Variants in C3 observed in about 807,000 individuals in gnomAD.
C3 encodes the protein C3 and PZP-like alpha-2-macroglobulin domain-containing protein 1.
Under a neutral mutation model 207.9 loss-of-function variants are expected in C3, and 97 were observed. That is an observed-to-expected ratio of 0.47 (90% CI 0.40 to 0.55). The LOEUF (loss-of-function observed/expected upper bound fraction) is 0.55. C3 is among the 20% of genes least tolerant of loss of function. The pLI, the probability that C3 is intolerant of heterozygous loss-of-function variation, is 0.00. For synonymous variants in C3, 848 were observed against 857.6 expected, an observed-to-expected ratio of 0.99 and a Z score of 0.20; for missense variants, 1,684 against 2,171.7, an observed-to-expected ratio of 0.78 and a Z score of 4.46.
chr19:6,708,284 A>T (rs543956099), intron 14 of C3, among the ~76,000 whole-genome samples: 1 of 151,930 alleles, frequency 6.6e-6, no homozygotes, highest in East Asian at 1.9e-4. Flanking sequence ...CTACAGGTGC[A>T]TGCCACCATG....
intron 33 of C3, chr19:6,682,549 T>G (rs547193873): frequency 1.4e-5 from 5 of 369,286 alleles, no homozygotes; most frequent in South Asian, 1.2e-4. Flanking sequence ...CAGCCCTCAC[T>G]CTGCATGATT....
intron 18 of C3, 46 bp downstream of exon 18, chr19:6,702,425 C>T (rs756126970): frequency 1.8e-5 from 23 of 1,274,574 alleles, no homozygotes; most frequent in East Asian, 1.2e-4. Context: ...GCAAATTAAA[C>T]GGTCTGACTC....
At position 6,720,599 on chromosome 19, in the gene C3, A is replaced by C; in HGVS notation, c.-10T>G. On this transcript the variant is annotated 5_prime_UTR_variant, in exon 1 of 41. Transcript: ENST00000245907. ...CTGAGGTGGGTCCCATGGTGCTGGG[A>C]CAGTGCAGGGTCAGAGGGACAGAGG... The C allele has an allele frequency of 6.4e-7, 1 of 1,572,062 alleles. No individual in the cohort carries two copies. Among genetic ancestry groups the C allele is most frequent in the Non-Finnish European group, 8.6e-7 (1 of 1,157,548 alleles).
In C3 at chr19:6,693,089, G is replaced by A; in HGVS notation, c.3231-6C>T. ...TGACCACGTAGGCGGTCAGCCTGGA[G>A]TGGGCACAGAGCATGAGCCAATCGG... On this transcript the variant is annotated splice_region_variant and splice_polypyrimidine_tract_variant and intron_variant, in intron 25 of 40. Transcript: ENST00000245907. 2 of 1,613,950 alleles carry A rather than the reference G, an allele frequency of 1.2e-6. No homozygotes were observed. Among genetic ancestry groups the A allele is most frequent in the African/African-American group, 2.7e-5 (2 of 75,058 alleles).
rs1047897396 is a variant in C3, at chr19:6,702,597, C to A, written c.2246-18G>T. 3 of 1,551,590 alleles carry A rather than the reference C, an allele frequency of 1.9e-6. No homozygotes were observed. In the African/African-American group the frequency reaches 4.1e-5, roughly 21 times the overall value. On this transcript the variant is annotated intron_variant, in intron 17 of 40. Transcript: ENST00000245907. ...CAGGTTACCTGCAGGGGGTTTAGAT[C>A]TGCATTTAGAACAGAGCAGGCCAGT...
intron 2 of C3, 130 bp from the exon 3 acceptor site, chr19:6,718,542 G>C: frequency 9.7e-7 from 1 of 1,032,428 alleles, no homozygotes; most frequent in Non-Finnish European, 1.5e-6. Context: ...GCCGTTTTGG[G>C]GAGGGAGGGG....
rs1337964139 is a variant in C3, at chr19:6,693,349, C to T, written c.3230+63G>A. The T allele has an allele frequency of 1.9e-5, 28 of 1,498,030 alleles. No individual in the cohort carries two copies. In the Admixed American group the frequency reaches 4.0e-4, roughly 22 times the overall value. 92.8% of individuals were successfully genotyped at this position (1,498,030 alleles called of 1,614,324 possible). On this transcript the variant is annotated intron_variant, in intron 25 of 40. Transcript: ENST00000245907. ...TAAGGGACCACCCCTGGCCAGGGTC[C>T]GGGCCCTGCTGGGGGTTGAGGGTGG...
intron 11 of C3, among the ~76,000 whole-genome samples, chr19:6,711,566 C>T (rs543463355): frequency 3.3e-4 from 50 of 152,178 alleles, no homozygotes; most frequent in African/African-American, 1.1e-3. Context: ...GACTTCTGAC[C>T]TCTCAAACTA....
At chr19:6,714,272 T>C (rs1967986157) in intron 5 of C3, 24 bp from the exon 6 acceptor site, 3 of 1,612,746 alleles carry the variant, frequency 1.9e-6, no homozygotes, top group East Asian at 4.5e-5. Flanking sequence ...GGATGAGTGG[T>C]CTCTCAGGCC....
chr19:6,715,619 G>GTTTTT (rs375022094), intron 4 of C3, among the ~76,000 whole-genome samples: 4 of 71,306 alleles, frequency 5.6e-5, no homozygotes, highest in Non-Finnish European at 9.0e-5. Context: ...TTTTTTTTTT[G>GTTTTT]TTTTTTTTGT....
rs761930609 is a variant in C3, at chr19:6,710,588, GA to G, written c.1686+50del. 182 of 1,386,302 alleles carry G rather than the reference GA, an allele frequency of 1.3e-4. No individual in the cohort carries two copies. In the African/African-American group the frequency reaches 2.0e-3, roughly 16 times the overall value. 85.9% of individuals were successfully genotyped at this position (1,386,302 alleles called of 1,614,324 possible). A position where few individuals can be genotyped will look rare whatever the true frequency, so the allele number is the denominator to read the frequency against. On this transcript the variant is annotated intron_variant, in intron 13 of 40. Transcript: ENST00000245907. ...GAGGAGACAGGGAGAGAGAGAGAGAGAGAGGAGTAGGGAGAGGGAGAGGGGG... is the reference window on the plus strand; with the variant it reads ...GAGGAGACAGGGAGAGAGAGAGAGAGGAGGAGTAGGGAGAGGGAGAGGGGG...
At position 6,684,667 on chromosome 19, in the gene C3, G is replaced by C. The variant is rs750141919; in HGVS notation, c.4030-17C>G. The C allele has an allele frequency of 6.2e-6, 10 of 1,609,040 alleles. No individual in the cohort carries two copies. The highest frequency in any genetic ancestry group is 1.7e-5 in the Admixed American group (1 of 60,018). On this transcript the variant is annotated splice_polypyrimidine_tract_variant and intron_variant, in intron 31 of 40. Transcript: ENST00000245907. ...TGTCACCACCTGGTAAGATGGGAGAGGAGACACAATGTCAGCCCACAGGAC... is the reference window on the plus strand; with the variant it reads ...TGTCACCACCTGGTAAGATGGGAGACGAGACACAATGTCAGCCCACAGGAC...
chr19:6,706,977 G>GCCCCCC, intron 17 of C3, 99 bp downstream of exon 17: 1 of 442,678 alleles, frequency 2.3e-6, no homozygotes, highest in Non-Finnish European at 3.0e-6. Context: ...GCCTCCTCCA[G>GCCCCCC]CCCCACCCCC....
chr19:6,682,357 T>C, intron 33 of C3, 128 bp from the exon 34 acceptor site: 1 of 728,346 alleles, frequency 1.4e-6, no homozygotes, highest in South Asian at 1.5e-5. Context: ...AGAGGGGCGT[T>C]ACATTTTTTA....
rs1291400170 is a variant in C3 at position 6,710,466 on chromosome 19, AGAGAGACAGTT to A, written c.1686+162_1686+172del. 2.7e-5 allele frequency among the ~76,000 whole-genome samples: 4 copies of A among 147,968 alleles called. No homozygotes were observed. The East Asian group carries it at 6.3e-4, about 23-fold the overall frequency. On this transcript the variant is annotated intron_variant, in intron 13 of 40. Transcript: ENST00000245907. ...TAGAGAGAGGGAAAGAGAGATAAAAAGAGAGACAGTTGAGAGACAGAGAGGGAGGAGAGAAA... is the reference window on the plus strand; with the variant it reads ...TAGAGAGAGGGAAAGAGAGATAAAAAGAGAGACAGAGAGGGAGGAGAGAAA...
At chr19:6,697,612 CT>C in intron 20 of C3, 39 bp downstream of exon 20, 2 of 1,613,830 alleles carry the variant, frequency 1.2e-6, no homozygotes, top group Non-Finnish European at 1.7e-6. Context: ...TACCTACCCC[CT>C]GGCAGCCTCC....
In C3 at chr19:6,684,955, C is replaced by G. The variant is rs770732876; in HGVS notation, c.3969+33G>C. 16 of 1,613,160 alleles carry G rather than the reference C, an allele frequency of 9.9e-6. No homozygotes were observed. The African/African-American group carries it at 2.0e-4, about 20-fold the overall frequency. On this transcript the variant is annotated intron_variant, in intron 30 of 40. Transcript: ENST00000245907. Reference sequence around the variant, plus strand: ...CCTGGCTAGTGTAGGGGGAGACAGCCAGAGTGAGGAGGGCTTGGCTGGGTG... The same window carrying G: ...CCTGGCTAGTGTAGGGGGAGACAGCGAGAGTGAGGAGGGCTTGGCTGGGTG...
intron 14 of C3, 51 bp from the exon 15 acceptor site, chr19:6,707,980 G>A (rs1332096944): frequency 6.2e-7 from 1 of 1,607,830 alleles, no homozygotes; most frequent in East Asian, 2.2e-5. Context: ...GCTGACAATT[G>A]GGATCCCCCA....
Position 6,693,457 on chromosome 19 carries a change from G to T in C3, c.3185C>A (p.Pro1062His), listed in dbSNP as rs374367611. 2 of 1,612,788 alleles carry T rather than the reference G, an allele frequency of 1.2e-6. No homozygotes were observed. Among genetic ancestry groups the T allele is most frequent in the African/African-American group, 1.3e-5 (1 of 75,026 alleles). ...CACGAAGGCCGCAAAGGCAGAGCTGGGTTGTCTGAAGGCCAGCTGCTGGGT... is the reference window on the plus strand; with the variant it reads ...CACGAAGGCCGCAAAGGCAGAGCTGTGTTGTCTGAAGGCCAGCTGCTGGGT... ...GYTQQLAFRQPSSAFAAFVKR... is the reference protein window; with the variant it reads ...GYTQQLAFRQHSSAFAAFVKR... The change falls in exon 25 of 41, where the codon CCC becomes CAC. Residue 1062 changes from proline to histidine, a missense_variant. Pro to His is a moderately conservative substitution (Grantham distance 77). This residue lies in a region of C3 where 1,280 missense variants were observed against 1,739.1 expected (regional missense o/e 0.74). Coordinates refer to ENST00000245907, the MANE Select transcript of C3 (RefSeq NM_000064.4).
Sources: gnomAD v4.1 joint callset for allele counts (sites outside exome capture counted in the v4.1 genomes callset) on GRCh38, gnomAD v4.1.1 for gene constraint, gnomAD v4.1.1 regional missense constraint, MANE v1.5 for transcripts, NCBI Gene and HGNC (gene_info 2026-07-23, HGNC 2026-07-21) for gene names.